Variants in CLRN3 observed in about 807,000 individuals in gnomAD.
The protein encoded by CLRN3 is clarin 3, also known as clarin-3.
Under a neutral mutation model 16.7 loss-of-function variants are expected in CLRN3, and 12 were observed. That is an observed-to-expected ratio of 0.72 (90% CI 0.46 to 1.16). CLRN3 has a LOEUF of 1.16. Ranked by LOEUF, CLRN3 falls within the 50% of genes most tolerant of loss-of-function variation. CLRN3 has a pLI of 0.00. For missense variants in CLRN3, 296 were observed against 274.2 expected (o/e 1.08, Z -0.56); for synonymous variants, 118 against 113.0 (o/e 1.04, Z -0.28).
At chr10:127,878,819 G>A (rs1232952027) in intron 2 of CLRN3, among the ~76,000 whole-genome samples, 1 of 152,194 alleles carries the variant, frequency 6.6e-6, no homozygotes, top group Admixed American at 6.5e-5. Flanking sequence ...GATGGAAGAA[G>A]CCGCCTTAAA....
Position 127,892,752 on chromosome 10 carries a change from T to A in CLRN3, c.33A>T (p.Leu11Phe). The A allele has an allele frequency of 6.2e-7, 1 of 1,613,074 alleles. No individual in the cohort carries two copies. Among genetic ancestry groups the A allele is most frequent in the Non-Finnish European group, 8.5e-7 (1 of 1,179,446 alleles). The change falls in exon 1 of 3, where the codon TTA (leucine) becomes TTT (phenylalanine). Residue 11 changes from leucine (L) to phenylalanine (F), a missense_variant. Physicochemically the swap from Leu to Phe is conservative, Grantham distance 22. Transcript: ENST00000368671. Reference sequence around the variant, plus strand: ...ACCCAAGGCTGGTGAAAAAGCTTGATAAGAACATCAATGTCTTCTTTGTGG... The same window carrying A: ...ACCCAAGGCTGGTGAAAAAGCTTGAAAAGAACATCAATGTCTTCTTTGTGG... MPTTKKTLMFLSSFFTSLGSF... is the reference protein window; with the variant it reads MPTTKKTLMFFSSFFTSLGSF...
At chr10:127,884,966 A>G (rs114653359) in intron 1 of CLRN3, among the ~76,000 whole-genome samples, 2,070 of 152,362 alleles carry the variant, frequency 0.014, 58 homozygotes, top group African/African-American at 0.047. Flanking sequence ...CAGTAAGGCC[A>G]CAGCAACATC....
Position 127,877,987 on chromosome 10 carries a change from T to C in CLRN3, c.*162A>G, listed in dbSNP as rs1193629298. The C allele has an allele frequency of 2.3e-6, 2 of 878,736 alleles. No individual in the cohort carries two copies. Among genetic ancestry groups the C allele is most frequent in the African/African-American group, 3.4e-5 (2 of 59,018 alleles). 54.4% of individuals were successfully genotyped at this position (878,736 alleles called of 1,614,324 possible). On this transcript the variant is annotated 3_prime_UTR_variant, in exon 3 of 3. Coordinates refer to ENST00000368671, the MANE Select transcript of CLRN3 (RefSeq NM_152311.5). ...ATTTCCCCAACCTTGTGGGAAAAAT[T>C]TTCAGGAGTACAGCATCAATGAAGA...
At chr10:127,881,612 G>C (rs1845129410) in intron 2 of CLRN3, among the ~76,000 whole-genome samples, 1 of 152,234 alleles carries the variant, frequency 6.6e-6, no homozygotes, top group Admixed American at 6.5e-5. Context: ...GGATGGGCAG[G>C]TAGCCTTGGC....
At chr10:127,883,197 G>A (rs965536510) in intron 2 of CLRN3, among the ~76,000 whole-genome samples, 1 of 152,232 alleles carries the variant, frequency 6.6e-6, no homozygotes, top group Non-Finnish European at 1.5e-5. Flanking sequence ...ATGCAGAGAT[G>A]TCATGTGTGG....
chr10:127,892,422 G>A, intron 1 of CLRN3, 134 bp downstream of exon 1: 4 of 629,968 alleles, frequency 6.3e-6, no homozygotes, highest in South Asian at 2.0e-5. Context: ...AAAATTATGA[G>A]TTAAGCTTGT....
At chr10:127,883,567 T>C (rs1320227495) in intron 2 of CLRN3, 129 bp downstream of exon 2, 5 of 711,502 alleles carry the variant, frequency 7.0e-6, no homozygotes, top group South Asian at 3.1e-5. Flanking sequence ...CCTCAGCTCA[T>C]GGGAGGTCCT....
intron 1 of CLRN3, among the ~76,000 whole-genome samples, chr10:127,885,762 T>A (rs556053983): frequency 2.0e-3 from 290 of 147,656 alleles, no homozygotes; most frequent in Non-Finnish European, 3.1e-3. Context: ...ATTTTTAAAA[T>A]TTTTTTTTTT....
chr10:127,885,189 C>T (rs1471670294), intron 1 of CLRN3, among the ~76,000 whole-genome samples: 1 of 152,152 alleles, frequency 6.6e-6, no homozygotes, highest in Non-Finnish European at 1.5e-5. Flanking sequence ...CAAGGAGTTC[C>T]TAATGGAACC....
intron 1 of CLRN3, among the ~76,000 whole-genome samples, chr10:127,888,626 C>A (rs192207220): frequency 1.2e-4 from 18 of 152,232 alleles, no homozygotes; most frequent in African/African-American, 3.4e-4. Context: ...AAGAGACTAG[C>A]GGGTGGGGGA....
At chr10:127,888,797 C>T (rs1417836191) in intron 1 of CLRN3, among the ~76,000 whole-genome samples, 2 of 152,110 alleles carry the variant, frequency 1.3e-5, no homozygotes, top group African/African-American at 4.8e-5. Flanking sequence ...TCAAGCAGGC[C>T]ACATCCAAAG....
At chr10:127,887,708 A>G (rs889906988) in intron 1 of CLRN3, among the ~76,000 whole-genome samples, 2 of 152,232 alleles carry the variant, frequency 1.3e-5, no homozygotes, top group African/African-American at 2.4e-5. Context: ...CTCAGAACTT[A>G]GACAATACAA....
intron 1 of CLRN3, among the ~76,000 whole-genome samples, chr10:127,884,904 G>A (rs768771161): frequency 3.3e-5 from 5 of 152,202 alleles, no homozygotes; most frequent in Non-Finnish European, 7.3e-5. Flanking sequence ...GATGTTCCAT[G>A]AAAGTCACCA....
chr10:127,886,489 G>A (rs1346572887), intron 1 of CLRN3, among the ~76,000 whole-genome samples: 3 of 152,112 alleles, frequency 2.0e-5, no homozygotes, highest in East Asian at 1.9e-4. Flanking sequence ...CTCCTAGACC[G>A]GGAGGGGGAG....
intron 1 of CLRN3, among the ~76,000 whole-genome samples, chr10:127,884,173 C>T (rs1424792508): frequency 6.6e-6 from 1 of 152,230 alleles, no homozygotes; most frequent in Non-Finnish European, 1.5e-5. Context: ...CAGGGCTGGA[C>T]AGCCTTCCCA....
rs1317602695 is a variant in CLRN3 at position 127,878,367 on chromosome 10, G to T, written c.463C>A (p.Gln155Lys). ...ATTTGGAACAACTCTTCGGAGAGTT[G>T]GTTGGACTGCGTGTTCGCCACAAAC... is the stretch of plus-strand genomic sequence containing the variant. ...ILFVANTQSN[Q>K]LSEELFQMLY... Residue 155 changes from glutamine to lysine, a missense_variant, in exon 3 of 3, where the codon CAA (glutamine) becomes AAA (lysine). Gln to Lys is a moderately conservative substitution (Grantham distance 53). Transcript: ENST00000368671. 1 of 1,614,188 alleles carries T rather than the reference G, an allele frequency of 6.2e-7. No individual in the cohort carries two copies. The highest frequency in any genetic ancestry group is 8.5e-7 in the Non-Finnish European group (1 of 1,180,052).
intron 2 of CLRN3, among the ~76,000 whole-genome samples, chr10:127,879,074 T>G (rs1384650401): frequency 1.3e-5 from 2 of 152,204 alleles, no homozygotes; most frequent in Non-Finnish European, 2.9e-5. Flanking sequence ...ATGTCTTCCC[T>G]TTTTTATTCT....
Position 127,886,547 on chromosome 10 carries a change from A to C in CLRN3, c.230-2672T>G, listed in dbSNP as rs138360692. ...TGGTAACCCAAGGGTTCTGGCTGCA[A>C]GGGAGAGTGAGAAAGTGCAGGAAAG... On this transcript the variant is annotated intron_variant, in intron 1 of 2. Coordinates refer to ENST00000368671, the MANE Select transcript of CLRN3 (RefSeq NM_152311.5). 4.6e-5 allele frequency among the ~76,000 whole-genome samples: 7 copies of C among 152,322 alleles called. 1 individual carries two copies. The highest frequency in any genetic ancestry group is 1.7e-4 in the African/African-American group (7 of 41,576).
At chr10:127,884,938 G>A (rs1845176448) in intron 1 of CLRN3, among the ~76,000 whole-genome samples, 1 of 152,228 alleles carries the variant, frequency 6.6e-6, no homozygotes, top group Non-Finnish European at 1.5e-5. Flanking sequence ...AGGGATTAGG[G>A]AGAAGAGTTC....
Sources: allele counts gnomAD v4.1 joint callset (sites outside exome capture counted in the v4.1 genomes callset), GRCh38; gene constraint gnomAD v4.1.1; transcripts MANE v1.5; gene names NCBI Gene and HGNC (gene_info 2026-07-23, HGNC 2026-07-21).